The following RBFOX1 variants were observed in gnomAD, a reference collection of about 807,000 sequenced individuals.
The protein encoded by RBFOX1 is RNA binding fox-1 homolog 1.
Under a neutral mutation model 57.7 loss-of-function variants are expected in RBFOX1, and 8 were observed. The observed-to-expected ratio is 0.14, with a 90% CI of 0.08 to 0.25. The LOEUF (loss-of-function observed/expected upper bound fraction) is 0.25. Ranked by LOEUF, RBFOX1 falls within the 10% of genes least tolerant of loss-of-function variation. RBFOX1 has a pLI of 1.00. For missense variants in RBFOX1, 611 were observed against 548.5 expected (o/e 1.11, Z -1.14); for synonymous variants, 326 against 222.4 (o/e 1.47, Z -4.15).
At chr16:6,559,393 T>C (rs931215290) in intron 2 of RBFOX1, among the ~76,000 whole-genome samples, 4 of 151,968 alleles carry the variant, frequency 2.6e-5, no homozygotes, top group African/African-American at 9.7e-5. Flanking sequence ...TATATAGATA[T>C]AGATCCACAC....
chr16:6,386,160 G>C (rs111695930), intron 2 of RBFOX1, among the ~76,000 whole-genome samples: 1 of 151,902 alleles, frequency 6.6e-6, no homozygotes, highest in Non-Finnish European at 1.5e-5. Flanking sequence ...TGGTCTCGAT[G>C]TCCTGGCCTC....
intron 2 of RBFOX1, among the ~76,000 whole-genome samples, chr16:6,536,305 A>G (rs2096734682): frequency 6.6e-6 from 1 of 152,328 alleles, no homozygotes; most frequent in South Asian, 2.1e-4. Context: ...TCTCGTGGGA[A>G]GGAAAAAAAT....
At chr16:5,866,911 C>G (rs2151896125) in intron 3 of RBFOX1, among the ~76,000 whole-genome samples, 1 of 152,226 alleles carries the variant, frequency 6.6e-6, no homozygotes, top group Middle Eastern at 3.4e-3. Flanking sequence ...TCTCATAACA[C>G]TGACTTGAAA....
chr16:5,398,081 A>G (rs931909480), intron 1 of RBFOX1, among the ~76,000 whole-genome samples: 1 of 152,222 alleles, frequency 6.6e-6, no homozygotes, highest in South Asian at 2.1e-4. Flanking sequence ...GTGAGAGGTT[A>G]TAACTGAGAT....
intron 3 of RBFOX1, among the ~76,000 whole-genome samples, chr16:6,949,046 C>A (rs946170380): frequency 6.6e-6 from 1 of 152,044 alleles, no homozygotes; most frequent in South Asian, 2.1e-4. Flanking sequence ...GAGTGTGATT[C>A]GTAAAAGGGA....
At chr16:5,552,459 T>C (rs2045502854) in intron 2 of RBFOX1, among the ~76,000 whole-genome samples, 1 of 152,226 alleles carries the variant, frequency 6.6e-6, no homozygotes, top group Non-Finnish European at 1.5e-5. Flanking sequence ...TTTTAGTCCA[T>C]GTTTCAGGTG....
chr16:7,591,030 G>T (rs542283080), intron 7 of RBFOX1, among the ~76,000 whole-genome samples: 1 of 152,128 alleles, frequency 6.6e-6, no homozygotes, highest in Admixed American at 6.5e-5. Context: ...ATGAGTGACT[G>T]CAGTAGCCTG....
chr16:6,974,713 C>G (rs1365505588), intron 3 of RBFOX1, among the ~76,000 whole-genome samples: 1 of 151,898 alleles, frequency 6.6e-6, no homozygotes, highest in East Asian at 1.9e-4. Context: ...ATTAAATGTC[C>G]CTTTCCATAT....
intron 4 of RBFOX1, among the ~76,000 whole-genome samples, chr16:7,311,478 CTTTTTTTT>C (rs1190746565): frequency 2.4e-5 from 3 of 122,508 alleles, no homozygotes; most frequent in South Asian, 5.4e-4. Flanking sequence ...TGAGCCTTTT[CTTTTTTTT>C]TTTTTTTTTT....
intron 2 of RBFOX1, among the ~76,000 whole-genome samples, chr16:6,639,791 A>C (rs1278229135): frequency 6.6e-6 from 1 of 152,038 alleles, no homozygotes; most frequent in Non-Finnish European, 1.5e-5. Context: ...AGGCAGGAGA[A>C]TGGTGTGAAC....
At chr16:7,392,691 G>C (rs745430070) in intron 4 of RBFOX1, among the ~76,000 whole-genome samples, 4 of 152,138 alleles carry the variant, frequency 2.6e-5, no homozygotes, top group Non-Finnish European at 5.9e-5. Context: ...ATAAGCACAA[G>C]GAATTCTGAT....
At chr16:5,919,405 C>T (rs1041206293) in intron 4 of RBFOX1, among the ~76,000 whole-genome samples, 4 of 152,038 alleles carry the variant, frequency 2.6e-5, no homozygotes, top group Non-Finnish European at 4.4e-5. Flanking sequence ...TGCAATGGTG[C>T]AATCTCAGCT....
intron 2 of RBFOX1, among the ~76,000 whole-genome samples, chr16:5,477,946 T>G (rs1000828108): frequency 5.6e-4 from 85 of 152,170 alleles, no homozygotes; most frequent in African/African-American, 2.1e-3. Flanking sequence ...GCAGTTCTCC[T>G]TGGTTCTCAT....
intron 1 of RBFOX1, among the ~76,000 whole-genome samples, chr16:6,303,249 G>A (rs962714446): frequency 6.6e-6 from 1 of 152,054 alleles, no homozygotes; most frequent in African/African-American, 2.4e-5. Flanking sequence ...GATCACTTCA[G>A]TGCCATTTTC....
intron 3 of RBFOX1, among the ~76,000 whole-genome samples, chr16:7,009,396 C>T (rs1206209609): frequency 1.3e-5 from 2 of 151,702 alleles, no homozygotes; most frequent in South Asian, 4.2e-4. Flanking sequence ...AAAAAAATGT[C>T]TCGCCACTGT....
At chr16:6,017,302 A>G (rs1397933476), upstream of RBFOX1, among the ~76,000 whole-genome samples, 1 of 152,214 alleles carries the variant, frequency 6.6e-6, no homozygotes, top group Admixed American at 6.5e-5. Flanking sequence ...TTTCCCGTTA[A>G]CTGCCATTTA....
chr16:7,420,882 A>T (rs2098534487), intron 4 of RBFOX1, among the ~76,000 whole-genome samples: 1 of 145,492 alleles, frequency 6.9e-6, no homozygotes, highest in Non-Finnish European at 1.5e-5. Context: ...TATCTTTTAA[A>T]ATATATATAT....
At chr16:6,754,273 C>T (rs908495889) in intron 3 of RBFOX1, among the ~76,000 whole-genome samples, 1 of 152,128 alleles carries the variant, frequency 6.6e-6, no homozygotes, top group Non-Finnish European at 1.5e-5. Context: ...TCCAGAAATG[C>T]ATTGCTGACT....
chr16:5,614,967 G>A (rs184374986), intron 3 of RBFOX1, among the ~76,000 whole-genome samples: 141 of 152,284 alleles, frequency 9.3e-4, no homozygotes, highest in Admixed American at 2.5e-3. Context: ...GATGAGAGAT[G>A]GGTGGGGTCA....
Sources: gnomAD v4.1 joint callset for allele counts (sites outside exome capture counted in the v4.1 genomes callset) on GRCh38, gnomAD v4.1.1 for gene constraint, MANE v1.5 for transcripts, NCBI Gene and HGNC (gene_info 2026-07-23, HGNC 2026-07-21) for gene names.